The following NUSAP1 variants were observed in gnomAD, a reference collection of about 807,000 sequenced individuals.
NUSAP1 encodes the protein nucleolar and spindle associated protein 1.
A neutral mutation model predicts 52.8 loss-of-function variants in NUSAP1; 32 were observed. That is an observed-to-expected ratio of 0.61 (90% CI 0.46 to 0.81). The LOEUF (loss-of-function observed/expected upper bound fraction) is 0.81. Ranked by LOEUF, NUSAP1 falls within the 40% of genes least tolerant of loss-of-function variation. NUSAP1 has a pLI of 0.00. For synonymous variants in NUSAP1, 195 were observed against 183.1 expected, an observed-to-expected ratio of 1.06 and a Z score of -0.52; for missense variants, 499 against 522.3, an observed-to-expected ratio of 0.96 and a Z score of 0.43.
chr15:41,332,888 C>G lies in NUSAP1; in HGVS notation c.-70C>G. ...GCCTAGTCAAAGTTAAGAGTGGCGC[C>G]AGGGATTTGAACCGCGCTGACGAAG... is the stretch of plus-strand genomic sequence containing the variant. On this transcript the variant is annotated 5_prime_UTR_variant, in exon 1 of 11. Coordinates refer to ENST00000559596, the MANE Select transcript of NUSAP1 (RefSeq NM_016359.5). The G allele has an allele frequency of 8.2e-7, 1 of 1,220,088 alleles. No homozygotes were observed. The highest frequency in any genetic ancestry group is 1.3e-5 in the South Asian group (1 of 77,714). The allele number at this position is 1,220,088 out of a possible 1,614,324, so 75.6% of individuals were successfully genotyped here.
intron 8 of NUSAP1, among the ~76,000 whole-genome samples, chr15:41,374,240 A>C (rs2049827785): frequency 6.6e-6 from 1 of 152,188 alleles, no homozygotes; most frequent in South Asian, 2.1e-4. Context: ...TATCTTATAA[A>C]CAGCGGTAAT....
rs886948590 is a variant in NUSAP1 at position 41,371,766 on chromosome 15, T to TTTTG, written c.1006+94_1006+97dup. Reference sequence around the variant, plus strand: ...CAAAATGATTAGGTATATCTGTTTTTTTTGTTTGTTTGTTTTTTTCTGAGA... The same window carrying TTTTG: ...CAAAATGATTAGGTATATCTGTTTTTTTTGTTTGTTTGTTTGTTTTTTTCTGAGA... On this transcript the variant is annotated intron_variant, in intron 8 of 10. Coordinates refer to ENST00000559596, the MANE Select transcript of NUSAP1 (RefSeq NM_016359.5). The TTTTG allele has an allele frequency of 3.4e-6, 5 of 1,461,028 alleles. No individual in the cohort carries two copies. The Admixed American group carries it at 8.3e-5, about 24-fold the overall frequency. 90.5% of individuals were successfully genotyped at this position (1,461,028 alleles called of 1,614,324 possible). A position where few individuals can be genotyped will look rare whatever the true frequency, so the allele number is the denominator to read the frequency against.
At position 41,370,056 on chromosome 15, in the gene NUSAP1, G is replaced by A. The variant is rs541536039; in HGVS notation, c.849-1471G>A. On this transcript the variant is annotated intron_variant, in intron 7 of 10. Transcript: ENST00000559596. Reference sequence around the variant, plus strand: ...TGCACTGCAGCCTGGGTAACAGTGCGAGACTCCATCTCCAAAAAAAGAAGA... The same window carrying A: ...TGCACTGCAGCCTGGGTAACAGTGCAAGACTCCATCTCCAAAAAAAGAAGA... 5.7e-4 allele frequency among the ~76,000 whole-genome samples: 86 copies of A among 151,130 alleles called. 1 individual carries two copies. Among genetic ancestry groups the A allele is most frequent in the African/African-American group, 7.3e-4 (30 of 41,126 alleles).
At chr15:41,359,475 TA>T (rs2049087462) in intron 6 of NUSAP1, among the ~76,000 whole-genome samples, 1 of 152,188 alleles carries the variant, frequency 6.6e-6, no homozygotes, top group South Asian at 2.1e-4. Flanking sequence ...CAGCTGAGTT[TA>T]AGTTTTCTGG....
At chr15:41,360,874 AACCTGCACCT>A (rs2049147827) in intron 6 of NUSAP1, among the ~76,000 whole-genome samples, 1 of 146,714 alleles carries the variant, frequency 6.8e-6, no homozygotes, top group Admixed American at 7.1e-5. Context: ...GGCTCACTGC[AACCTGCACCT>A]CCCGGGTTCG....
chr15:41,380,040 A>G (rs1235552558), intron 10 of NUSAP1, 53 bp from the exon 11 acceptor site: 1 of 1,318,052 alleles, frequency 7.6e-7, no homozygotes, highest in Non-Finnish European at 1.1e-6. Flanking sequence ...GTTGCTTTAA[A>G]GTATCTGTTT....
chr15:41,372,064 G>A (rs1465347651), intron 8 of NUSAP1, among the ~76,000 whole-genome samples: 1 of 151,980 alleles, frequency 6.6e-6, no homozygotes, highest in African/African-American at 2.4e-5. Context: ...CACTGCGCCC[G>A]GCCTGTATCT....
At chr15:41,345,945 C>T (rs1416465100) in intron 2 of NUSAP1, among the ~76,000 whole-genome samples, 2 of 152,176 alleles carry the variant, frequency 1.3e-5, no homozygotes, top group Non-Finnish European at 2.9e-5. Context: ...TCTTTATCAA[C>T]CGTCTACTTC....
chr15:41,346,062 C>A (rs919457598), intron 2 of NUSAP1, among the ~76,000 whole-genome samples: 1 of 150,788 alleles, frequency 6.6e-6, no homozygotes, highest in Non-Finnish European at 1.5e-5. Context: ...TGGAGTCTTG[C>A]CCTGAGTAAC....
chr15:41,355,460 C>T (rs1011591193), intron 4 of NUSAP1, among the ~76,000 whole-genome samples: 5 of 151,878 alleles, frequency 3.3e-5, no homozygotes, highest in Non-Finnish European at 7.4e-5. Flanking sequence ...TGGGAGCCAC[C>T]GCGGCGCCTG....
chr15:41,374,143 T>A (rs982551605), intron 8 of NUSAP1, among the ~76,000 whole-genome samples: 4 of 152,248 alleles, frequency 2.6e-5, no homozygotes, highest in African/African-American at 9.6e-5. Context: ...TTAACCCTTA[T>A]TTCAGACTTT....
Position 41,380,242 on chromosome 15 carries a change from AAT to A in NUSAP1, c.*57_*58del. On this transcript the variant is annotated 3_prime_UTR_variant, in exon 11 of 11. Coordinates refer to ENST00000559596, the MANE Select transcript of NUSAP1 (RefSeq NM_016359.5). Reference sequence around the variant, plus strand: ...TATTCTCAACTTTTTTCCTTTTGTAAATTTTTTTTTTTTGCTGTCATCCCCAC... The same window carrying A: ...TATTCTCAACTTTTTTCCTTTTGTAATTTTTTTTTTTGCTGTCATCCCCAC... 1 of 1,336,722 alleles carries A rather than the reference AAT, an allele frequency of 7.5e-7. No individual in the cohort carries two copies. Among genetic ancestry groups the A allele is most frequent in the Non-Finnish European group, 1.0e-6 (1 of 981,128 alleles). The allele number at this position is 1,336,722 out of a possible 1,614,324, so 82.8% of individuals were successfully genotyped here. A position where few individuals can be genotyped will look rare whatever the true frequency, so the allele number is the denominator to read the frequency against.
At chr15:41,369,950 T>G (rs1461484692) in intron 7 of NUSAP1, among the ~76,000 whole-genome samples, 2 of 148,950 alleles carry the variant, frequency 1.3e-5, no homozygotes, top group Non-Finnish European at 3.0e-5. Flanking sequence ...CGCCTGTAAT[T>G]CCAGCTACTT....
At chr15:41,365,269 G>T in intron 6 of NUSAP1, 133 bp from the exon 7 acceptor site, 1 of 625,310 alleles carries the variant, frequency 1.6e-6, no homozygotes, top group East Asian at 3.1e-5. Context: ...TGATTCTCCC[G>T]CCTCAGCCTC....
In NUSAP1 at chr15:41,342,311, G is replaced by A. The variant is rs146083545; in HGVS notation, c.94-75G>A. 5.0e-4 allele frequency: 509 copies of A among 1,022,216 alleles called. 2 individuals are homozygous for A. The African/African-American group carries it at 7.6e-3, about 15-fold the overall frequency. 63.3% of individuals were successfully genotyped at this position (1,022,216 alleles called of 1,614,324 possible). ...ACCAGAGTACATTTAATGAATACAA[G>A]AACAGCAAAAAATATTCAACGTATC... On this transcript the variant is annotated intron_variant, in intron 1 of 10. Coordinates refer to ENST00000559596, the MANE Select transcript of NUSAP1 (RefSeq NM_016359.5).
chr15:41,378,944 G>GGTTTTTTTTTTTTTTTTT (rs1253258207), intron 10 of NUSAP1, among the ~76,000 whole-genome samples: 2 of 63,262 alleles, frequency 3.2e-5, no homozygotes, highest in African/African-American at 7.0e-5. Flanking sequence ...ACTTATCTTG[G>GGTTTTTTTTTTTTTTTTT]TTTTTTTTTT....
intron 1 of NUSAP1, among the ~76,000 whole-genome samples, chr15:41,340,024 C>T (rs1004685374): frequency 6.7e-6 from 1 of 150,070 alleles, no homozygotes; most frequent in Non-Finnish European, 1.5e-5. Flanking sequence ...CTTCCTGCCT[C>T]GGCCTCCCAA....
intron 5 of NUSAP1, among the ~76,000 whole-genome samples, chr15:41,357,374 A>C (rs917111723): frequency 2.0e-5 from 3 of 152,104 alleles, no homozygotes; most frequent in Non-Finnish European, 2.9e-5. Context: ...TCTCAAAATA[A>C]ATAAATAAAT....
At chr15:41,344,195 C>CAGAATG (rs2048470118) in intron 2 of NUSAP1, 1 of 114,862 alleles carries the variant, frequency 8.7e-6, no homozygotes, top group Admixed American at 1.2e-4. Flanking sequence ...CCCTGGGAGA[C>CAGAATG]AGAATGAGAC....
Sources: allele counts gnomAD v4.1 joint callset (sites outside exome capture counted in the v4.1 genomes callset), GRCh38; gene constraint gnomAD v4.1.1; transcripts MANE v1.5; gene names NCBI Gene and HGNC (gene_info 2026-07-23, HGNC 2026-07-21).